DSCAM: variants seen among roughly 807,000 people sequenced by gnomAD.
DSCAM encodes the protein cell adhesion molecule DSCAM.
A neutral mutation model predicts 217.7 loss-of-function variants in DSCAM; 47 were observed. That is an observed-to-expected ratio of 0.22 (90% CI 0.17 to 0.28). The LOEUF (loss-of-function observed/expected upper bound fraction) is 0.28. Among genes scored for constraint, DSCAM ranks in the 10% least tolerant of loss-of-function variants. The pLI, the probability that DSCAM is intolerant of heterozygous loss-of-function variation, is 1.00. For missense variants in DSCAM, 2,080 were observed against 2,618.3 expected (o/e 0.79, Z 4.49); for synonymous variants, 1,056 against 1,015.3 (o/e 1.04, Z -0.76).
chr21:40,415,088 T>C (rs1387007719), intron 3 of DSCAM, among the ~76,000 whole-genome samples: 2 of 152,210 alleles, frequency 1.3e-5, no homozygotes, highest in East Asian at 3.8e-4. Flanking sequence ...AGACCTGGAA[T>C]TTGATTTGGA....
chr21:40,489,158 G>A (rs947782900), intron 3 of DSCAM, among the ~76,000 whole-genome samples: 2 of 152,214 alleles, frequency 1.3e-5, no homozygotes, highest in Non-Finnish European at 2.9e-5. Context: ...GTGTTTCTGT[G>A]AGGGTGTGTT....
At chr21:40,245,916 C>A (rs1401044299) in intron 11 of DSCAM, among the ~76,000 whole-genome samples, 1 of 152,070 alleles carries the variant, frequency 6.6e-6, no homozygotes, top group African/African-American at 2.4e-5. Flanking sequence ...CCAAGCTTAC[C>A]TAAGCTGGCA....
intron 3 of DSCAM, among the ~76,000 whole-genome samples, chr21:40,504,745 A>G (rs1466191407): frequency 1.3e-5 from 2 of 152,180 alleles, no homozygotes; most frequent in Non-Finnish European, 2.9e-5. Flanking sequence ...AGAGGACCTG[A>G]TTATGGATCT....
chr21:40,379,808 A>G (rs199515801), intron 3 of DSCAM, among the ~76,000 whole-genome samples: 1 of 152,234 alleles, frequency 6.6e-6, no homozygotes, highest in East Asian at 1.9e-4. Flanking sequence ...TCAGTAAAAT[A>G]AGGGATCATA....
intron 15 of DSCAM, among the ~76,000 whole-genome samples, chr21:40,169,446 C>A (rs1469490269): frequency 6.6e-6 from 1 of 152,056 alleles, no homozygotes; most frequent in Non-Finnish European, 1.5e-5. Flanking sequence ...TATCAAGGTG[C>A]CCCTCCCCAG....
intron 11 of DSCAM, among the ~76,000 whole-genome samples, chr21:40,241,067 C>T (rs762261248): frequency 1.3e-5 from 2 of 152,094 alleles, no homozygotes; most frequent in Non-Finnish European, 2.9e-5. Flanking sequence ...CCATCCTGGA[C>T]CTAGGAACAG....
At chr21:40,346,789 G>A (rs1224441194) in intron 6 of DSCAM, among the ~76,000 whole-genome samples, 2 of 152,110 alleles carry the variant, frequency 1.3e-5, no homozygotes, top group Non-Finnish European at 2.9e-5. Flanking sequence ...AGGGACAACT[G>A]CACCAAACAG....
intron 3 of DSCAM, among the ~76,000 whole-genome samples, chr21:40,673,290 C>A (rs1197381686): frequency 2.7e-4 from 2 of 7,384 alleles, no homozygotes; most frequent in Admixed American, 2.9e-3. Context: ...AAAATGATGC[C>A]CCCCCCAAAA....
intron 3 of DSCAM, among the ~76,000 whole-genome samples, chr21:40,460,489 A>G (rs1045982838): frequency 2.0e-5 from 3 of 152,162 alleles, no homozygotes. Context: ...AAACTTAACC[A>G]CATAAAAAAT....
At chr21:40,169,005 C>T (rs1171363611) in intron 15 of DSCAM, among the ~76,000 whole-genome samples, 2 of 152,042 alleles carry the variant, frequency 1.3e-5, no homozygotes. Flanking sequence ...ATATAATTAT[C>T]ATTAAGTGTT....
intron 1 of DSCAM, among the ~76,000 whole-genome samples, chr21:40,730,334 T>C (rs549742057): frequency 6.6e-6 from 1 of 152,334 alleles, no homozygotes; most frequent in East Asian, 1.9e-4. Flanking sequence ...GGAACATTTT[T>C]AAACTTAAAG....
At chr21:40,723,853 C>A (rs2090928177) in intron 1 of DSCAM, among the ~76,000 whole-genome samples, 3 of 152,090 alleles carry the variant, frequency 2.0e-5, no homozygotes, top group Admixed American at 2.0e-4. Context: ...TAAGAATGTT[C>A]TTTTTATCCA....
intron 8 of DSCAM, among the ~76,000 whole-genome samples, chr21:40,327,306 A>G (rs1022909556): frequency 1.3e-5 from 2 of 152,096 alleles, no homozygotes; most frequent in Non-Finnish European, 2.9e-5. Context: ...TAAGTTTCCC[A>G]TGTTCAGCAA....
At chr21:40,766,930 C>T (rs1306126291) in intron 1 of DSCAM, among the ~76,000 whole-genome samples, 1 of 152,094 alleles carries the variant, frequency 6.6e-6, no homozygotes, top group Non-Finnish European at 1.5e-5. Context: ...AGGTGATCCA[C>T]CCGCCTTGGC....
At chr21:40,733,266 C>A (rs2091030985) in intron 1 of DSCAM, among the ~76,000 whole-genome samples, 1 of 152,216 alleles carries the variant, frequency 6.6e-6, no homozygotes, top group Non-Finnish European at 1.5e-5. Context: ...GAGGAGCCTG[C>A]TGGATACTGA....
chr21:40,795,961 A>G (rs2091687958), intron 1 of DSCAM, among the ~76,000 whole-genome samples: 1 of 152,190 alleles, frequency 6.6e-6, no homozygotes, highest in African/African-American at 2.4e-5. Flanking sequence ...TATGAGAACA[A>G]AAACAAAAGC....
At chr21:40,124,782 C>G (rs1052629455) in intron 19 of DSCAM, among the ~76,000 whole-genome samples, 3 of 152,118 alleles carry the variant, frequency 2.0e-5, no homozygotes, top group Non-Finnish European at 4.4e-5. Context: ...GCCTCCAGAA[C>G]TCAGAGACAG....
intron 11 of DSCAM, among the ~76,000 whole-genome samples, chr21:40,260,856 G>C (rs2073440531): frequency 6.6e-6 from 1 of 152,162 alleles, no homozygotes; most frequent in South Asian, 2.1e-4. Context: ...ATGATTACAT[G>C]ATAATAATGA....
intron 16 of DSCAM, among the ~76,000 whole-genome samples, chr21:40,161,638 AT>A (rs1037752698): frequency 6.6e-6 from 1 of 151,896 alleles, no homozygotes; most frequent in Non-Finnish European, 1.5e-5. Flanking sequence ...AGATTTTGAA[AT>A]TTTTTTTTCT....
Sources: gnomAD v4.1 joint callset for allele counts (sites outside exome capture counted in the v4.1 genomes callset) on GRCh38, gnomAD v4.1.1 for gene constraint, MANE v1.5 for transcripts, NCBI Gene and HGNC (gene_info 2026-07-23, HGNC 2026-07-21) for gene names.